MGAM2: variants seen among roughly 807,000 people sequenced by gnomAD.
MGAM2 encodes maltase-glucoamylase 2 (putative).
Under a neutral mutation model 96.1 loss-of-function variants are expected in MGAM2, and 98 were observed. The ratio of observed to expected loss-of-function variants is 1.02; its 90% CI spans 0.87 to 1.21. The LOEUF is 1.21. Among genes scored for constraint, MGAM2 ranks in the 50% most tolerant of loss-of-function variants. The pLI is 0.00. For missense variants in MGAM2, 2,055 were observed against 1,182.4 expected, an observed-to-expected ratio of 1.74 and a Z score of -10.82; for synonymous variants, 749 against 414.8, an observed-to-expected ratio of 1.81 and a Z score of -9.79.
intron 3 of MGAM2, among the ~76,000 whole-genome samples, chr7:142,127,386 T>C (rs1794759347): frequency 6.6e-6 from 1 of 152,192 alleles, no homozygotes; most frequent in Middle Eastern, 3.2e-3. Context: ...TCTGGGATAA[T>C]TGAATTTGAT....
intron 10 of MGAM2, 44 bp downstream of exon 10, chr7:142,138,711 A>T (rs1332514390): frequency 1.5e-6 from 1 of 667,628 alleles, no homozygotes; most frequent in Non-Finnish European, 2.7e-6. Flanking sequence ...ACCAATTCCC[A>T]TTTTTATTTT....
chr7:142,190,749 G>A (rs965698684), intron 37 of MGAM2, among the ~76,000 whole-genome samples: 4 of 151,996 alleles, frequency 2.6e-5, no homozygotes, highest in African/African-American at 9.7e-5. Context: ...ATGTTATTGA[G>A]CATGTTTTCA....
intron 14 of MGAM2, 122 bp downstream of exon 14, chr7:142,145,067 A>AACTTCG (rs1262784719): frequency 4.9e-6 from 3 of 608,872 alleles, no homozygotes; most frequent in Non-Finnish European, 8.8e-6. Context: ...AAACATCCTG[A>AACTTCG]GCACTCCTCT....
Position 142,160,245 on chromosome 7 carries a change from A to G in MGAM2, c.2332A>G (p.Thr778Ala). 1 of 701,038 alleles carries G rather than the reference A, an allele frequency of 1.4e-6. No homozygotes were observed. The highest frequency in any genetic ancestry group is 2.6e-6 in the Non-Finnish European group (1 of 384,034). 43.4% of individuals were successfully genotyped at this position (701,038 alleles called of 1,614,324 possible). The change falls in exon 21 of 48, where the codon ACC (threonine) becomes GCC (alanine). Residue 778 changes from threonine (T) to alanine (A), a missense_variant. Thr to Ala is a moderately conservative substitution (Grantham distance 58). Coordinates refer to ENST00000477922, the MANE Select transcript of MGAM2 (RefSeq NM_001293626.2). ...YIFPTQKPNT[T>A]TEASRRNSLG... ...ATTTCCCACTCAGAAGCCAAACACA[A>G]CCACAGAAGCCAGGTAAGCTCCTTA...
intron 14 of MGAM2, among the ~76,000 whole-genome samples, chr7:142,146,893 A>G (rs1367680250): frequency 6.6e-6 from 1 of 151,940 alleles, no homozygotes; most frequent in African/African-American, 2.4e-5. Context: ...ATGCCTGGCT[A>G]ATTTTTGTAA....
intron 40 of MGAM2, 37 bp downstream of exon 40, chr7:142,196,853 C>T: frequency 1.3e-6 from 1 of 747,286 alleles, no homozygotes; most frequent in African/African-American, 1.7e-5. Flanking sequence ...GTTGTGTACC[C>T]TCAAATCATA....
At position 142,186,068 on chromosome 7, in the gene MGAM2, T is replaced by C. The variant is rs1163632971; in HGVS notation, c.4067T>C (p.Leu1356Pro). ...AAWWKKEIEE[L>P]YANPREPEKS... ...TGGTGGAAGAAAGAGATAGAAGAGC[T>C]CTATGCAAACCCTCGAGAGCCAGAG... Residue 1356 changes from leucine (L) to proline (P), a missense_variant, in exon 35 of 48, where the codon CTC becomes CCC. By Grantham distance (98) the Leu-to-Pro change is moderately conservative. Coordinates refer to ENST00000477922, the MANE Select transcript of MGAM2 (RefSeq NM_001293626.2). The C allele has an allele frequency of 1.4e-6, 1 of 705,970 alleles. No individual in the cohort carries two copies. 43.7% of individuals were successfully genotyped at this position (705,970 alleles called of 1,614,324 possible).
intron 45 of MGAM2, among the ~76,000 whole-genome samples, chr7:142,202,720 G>A (rs1162968262): frequency 1.3e-5 from 2 of 152,104 alleles, no homozygotes; most frequent in Non-Finnish European, 2.9e-5. Flanking sequence ...ATCCTTTGCT[G>A]ATAGGCACCT....
chr7:142,157,293 C>A (rs1406373314), intron 17 of MGAM2, among the ~76,000 whole-genome samples: 1 of 152,016 alleles, frequency 6.6e-6, no homozygotes, highest in Non-Finnish European at 1.5e-5. Context: ...ATTGGAGCAA[C>A]CCTGGAGGGA....
chr7:142,141,411 G>A (rs1235945953), intron 12 of MGAM2, among the ~76,000 whole-genome samples: 1 of 152,024 alleles, frequency 6.6e-6, no homozygotes, highest in African/African-American at 2.4e-5. Flanking sequence ...TCTTTCCCAA[G>A]ACAATAAATT....
intron 37 of MGAM2, among the ~76,000 whole-genome samples, chr7:142,194,141 T>G (rs1189949393): frequency 6.6e-6 from 1 of 152,034 alleles, no homozygotes; most frequent in Non-Finnish European, 1.5e-5. Context: ...CAAGCAATTC[T>G]CCTGCCTCAG....
At chr7:142,179,323 C>A (rs943332401) in intron 32 of MGAM2, among the ~76,000 whole-genome samples, 4 of 152,110 alleles carry the variant, frequency 2.6e-5, no homozygotes, top group African/African-American at 9.7e-5. Flanking sequence ...TTGACTTCTT[C>A]TTTTCCTGTG....
chr7:142,162,579 G>A (rs548193248), intron 23 of MGAM2, among the ~76,000 whole-genome samples: 18 of 151,368 alleles, frequency 1.2e-4, no homozygotes, highest in Admixed American at 8.6e-4. Context: ...CTTTTGAGGC[G>A]GTCTCTCTCT....
intron 2 of MGAM2, among the ~76,000 whole-genome samples, chr7:142,119,027 G>A (rs1291804439): frequency 1.3e-5 from 2 of 152,116 alleles, no homozygotes; most frequent in African/African-American, 4.8e-5. Flanking sequence ...GTGCTTTGAA[G>A]CACACTTTGA....
At chr7:142,114,214 G>GAA (rs1365981658) in intron 1 of MGAM2, among the ~76,000 whole-genome samples, 4,842 of 127,574 alleles carry the variant, frequency 0.038, 159 homozygotes, top group East Asian at 0.086. Flanking sequence ...AAGAAAGAAA[G>GAA]AGAGAAAGAA....
At chr7:142,149,742 A>T (rs556743554) in intron 15 of MGAM2, among the ~76,000 whole-genome samples, 5 of 148,338 alleles carry the variant, frequency 3.4e-5, no homozygotes, top group African/African-American at 7.3e-5. Flanking sequence ...GGGGTTTCAC[A>T]GCGTTAGCCA....
intron 36 of MGAM2, among the ~76,000 whole-genome samples, chr7:142,188,651 T>C (rs898992387): frequency 1.3e-5 from 2 of 152,242 alleles, no homozygotes; most frequent in African/African-American, 4.8e-5. Flanking sequence ...GTCTGACTTA[T>C]GATTTTCAAC....
intron 28 of MGAM2, 82 bp from the exon 29 acceptor site, chr7:142,172,016 G>A (rs1796210975): frequency 3.5e-6 from 2 of 563,422 alleles, no homozygotes; most frequent in Middle Eastern, 4.5e-4. Context: ...CTTTAATGAT[G>A]AGTAAGAGTT....
intron 37 of MGAM2, among the ~76,000 whole-genome samples, chr7:142,191,837 T>C (rs2129098197): frequency 6.6e-6 from 1 of 152,338 alleles, no homozygotes; most frequent in South Asian, 2.1e-4. Flanking sequence ...TAAGTCTCTT[T>C]TGATTCATTA....
Sources: gnomAD v4.1 joint callset for allele counts (sites outside exome capture counted in the v4.1 genomes callset) on GRCh38, gnomAD v4.1.1 for gene constraint, MANE v1.5 for transcripts, NCBI Gene and HGNC (gene_info 2026-07-23, HGNC 2026-07-21) for gene names.